Variants in POT1 observed in about 807,000 individuals in gnomAD.
POT1 encodes the protein protection of telomeres protein 1.
A neutral mutation model predicts 78.5 loss-of-function variants in POT1; 47 were observed. That is an observed-to-expected ratio of 0.60 (90% CI 0.47 to 0.76). POT1 has a LOEUF of 0.76. Ranked by LOEUF, POT1 falls within the 30% of genes least tolerant of loss-of-function variation. The pLI, the probability that POT1 is intolerant of heterozygous loss-of-function variation, is 0.00. For synonymous variants in POT1, 259 were observed against 260.7 expected (o/e 0.99, Z 0.06); for missense variants, 646 against 749.9 (o/e 0.86, Z 1.62).
Position 124,871,044 on chromosome 7 carries a change from G to A in POT1, c.125-3C>T. On this transcript the variant is annotated splice_polypyrimidine_tract_variant and splice_region_variant and intron_variant, in intron 6 of 18. Coordinates refer to ENST00000357628, the MANE Select transcript of POT1 (RefSeq NM_015450.3). ...AATAGTTACAACTGAGCAATAATCTGGAAAACACAAAAATATTTTACCTGA... is the reference window on the plus strand; with the variant it reads ...AATAGTTACAACTGAGCAATAATCTAGAAAACACAAAAATATTTTACCTGA... The A allele has an allele frequency of 1.0e-5, 16 of 1,553,894 alleles. No homozygotes were observed. Among genetic ancestry groups the A allele is most frequent in the Admixed American group, 1.9e-5 (1 of 51,728 alleles).
In POT1 at chr7:124,924,003, G is replaced by A. The variant is rs79058014; in HGVS notation, c.-227+4812C>T. On this transcript the variant is annotated intron_variant, in intron 2 of 18. Coordinates refer to ENST00000357628, the MANE Select transcript of POT1 (RefSeq NM_015450.3). ...AATTTCCCAGATAAGCAAACAACGC[G>A]GGACTCAGTAGTGAAAAAAAGTAGA... 3.0e-3 allele frequency among the ~76,000 whole-genome samples: 456 copies of A among 151,156 alleles called. 2 individuals carry two copies. Among genetic ancestry groups the A allele is most frequent in the South Asian group, 0.013 (62 of 4,820 alleles).
intron 16 of POT1, 155 bp downstream of exon 16, chr7:124,829,099 T>G: frequency 1.3e-6 from 1 of 763,764 alleles, no homozygotes; most frequent in Admixed American, 1.8e-5. Flanking sequence ...GCTTGGCAGA[T>G]ATCTTTAAAT....
At chr7:124,829,616 A>G (rs973697376) in intron 15 of POT1, among the ~76,000 whole-genome samples, 2 of 152,096 alleles carry the variant, frequency 1.3e-5, no homozygotes, top group Non-Finnish European at 2.9e-5. Flanking sequence ...CCAAATCATT[A>G]ATTAATTTTG....
intron 14 of POT1, 69 bp downstream of exon 14, chr7:124,840,904 A>C (rs780012794): frequency 1.4e-5 from 18 of 1,277,932 alleles, no homozygotes; most frequent in Middle Eastern, 5.6e-4. Context: ...AAAATGTATT[A>C]AACAATAATT....
intron 11 of POT1, among the ~76,000 whole-genome samples, chr7:124,850,493 C>T (rs550064286): frequency 6.6e-5 from 10 of 152,156 alleles, no homozygotes; most frequent in African/African-American, 9.6e-5. Flanking sequence ...TTTGGGAGCC[C>T]GAGGCGGGCG....
intron 3 of POT1, among the ~76,000 whole-genome samples, chr7:124,903,219 T>C (rs1253064935): frequency 2.0e-5 from 3 of 152,186 alleles, no homozygotes; most frequent in Non-Finnish European, 4.4e-5. Context: ...CAACAGAATA[T>C]ACATTCTTCT....
At chr7:124,862,131 C>T (rs1011859008) in intron 8 of POT1, among the ~76,000 whole-genome samples, 1 of 152,092 alleles carries the variant, frequency 6.6e-6, no homozygotes, top group Non-Finnish European at 1.5e-5. Context: ...CTAACAGTTA[C>T]GTGACAGTGG....
intron 9 of POT1, among the ~76,000 whole-genome samples, chr7:124,856,652 G>A (rs1285562694): frequency 2.0e-5 from 3 of 152,106 alleles, no homozygotes; most frequent in Non-Finnish European, 4.4e-5. Context: ...CAGGAAAAGC[G>A]GAAACAGAAA....
intron 15 of POT1, among the ~76,000 whole-genome samples, chr7:124,829,922 T>C (rs1794720821): frequency 6.6e-6 from 1 of 152,046 alleles, no homozygotes. Context: ...TGGTCTCAAC[T>C]CCTGAGCTCA....
intron 8 of POT1, among the ~76,000 whole-genome samples, chr7:124,862,560 T>C (rs976886103): frequency 6.6e-6 from 1 of 152,236 alleles, no homozygotes; most frequent in African/African-American, 2.4e-5. Context: ...TAGAACTTTG[T>C]ATTTTATTCA....
At chr7:124,872,977 C>A (rs965931310) in intron 6 of POT1, among the ~76,000 whole-genome samples, 2 of 152,122 alleles carry the variant, frequency 1.3e-5, no homozygotes, top group Admixed American at 6.6e-5. Flanking sequence ...ATTTGTATGT[C>A]ATTTTTAAAG....
intron 2 of POT1, among the ~76,000 whole-genome samples, chr7:124,922,963 A>C (rs941816193): frequency 2.6e-5 from 4 of 151,930 alleles, no homozygotes; most frequent in African/African-American, 9.7e-5. Flanking sequence ...GGCACCCAAA[A>C]TCAAAGCCAA....
intron 3 of POT1, among the ~76,000 whole-genome samples, chr7:124,906,059 C>A (rs1361040900): frequency 6.6e-6 from 1 of 152,152 alleles, no homozygotes; most frequent in African/African-American, 2.4e-5. Context: ...ACTAGTTCAA[C>A]CATTGGGGAA....
intron 2 of POT1, among the ~76,000 whole-genome samples, chr7:124,926,110 C>T (rs1453771126): frequency 6.6e-6 from 1 of 152,006 alleles, no homozygotes; most frequent in Non-Finnish European, 1.5e-5. Flanking sequence ...ACAAATGAAA[C>T]TTAATTAAGC....
intron 3 of POT1, among the ~76,000 whole-genome samples, chr7:124,903,225 C>T (rs1796669063): frequency 6.6e-6 from 1 of 152,202 alleles, no homozygotes. Context: ...AATATACATT[C>T]TTCTCAGCAC....
chr7:124,828,409 T>A (rs187790635), intron 16 of POT1, among the ~76,000 whole-genome samples: 1 of 152,286 alleles, frequency 6.6e-6, no homozygotes, highest in Non-Finnish European at 1.5e-5. Flanking sequence ...TGGAAGATAC[T>A]CAATTTATAG....
intron 6 of POT1, among the ~76,000 whole-genome samples, chr7:124,890,459 A>C (rs1584790655): frequency 1.3e-5 from 2 of 151,944 alleles, no homozygotes. Flanking sequence ...ACAAGGACTA[A>C]AATTTTGAAA....
chr7:124,829,324 A>G lies in POT1; in HGVS notation c.1524T>C (p.Ser508=). The G allele has an allele frequency of 6.3e-7, 1 of 1,582,110 alleles. No homozygotes were observed. Among genetic ancestry groups the G allele is most frequent in the South Asian group, 1.1e-5 (1 of 89,816 alleles). Residue 508 remains serine (S), a synonymous_variant, in exon 16 of 19, where the codon AGT becomes AGC. Coordinates refer to ENST00000357628, the MANE Select transcript of POT1 (RefSeq NM_015450.3). ...AATTTAGATTTTGTATGGATCTCAA[A>G]CTAGAACACTGTTTACATCTGAAAT... The part of the protein sequence containing the change: ...IHHYGCKQCS[S]LRSIQNLNSL...
intron 6 of POT1, among the ~76,000 whole-genome samples, chr7:124,880,908 T>A (rs755703968): frequency 6.6e-6 from 1 of 152,072 alleles, no homozygotes; most frequent in African/African-American, 2.4e-5. Context: ...TAGGCTCAGA[T>A]ATACTTACAG....
Sources: allele counts gnomAD v4.1 joint callset (sites outside exome capture counted in the v4.1 genomes callset), GRCh38; gene constraint gnomAD v4.1.1; transcripts MANE v1.5; gene names NCBI Gene and HGNC (gene_info 2026-07-23, HGNC 2026-07-21).